The following EPHB1 variants were observed in gnomAD, a reference collection of about 807,000 sequenced individuals.
EPHB1 encodes EPH receptor B1.
In EPHB1, 30 loss-of-function variants were observed where a neutral mutation model predicts 94.4. The observed-to-expected ratio is 0.32, with a 90% CI of 0.24 to 0.43. EPHB1 has a LOEUF of 0.43. EPHB1 is among the 20% of genes least tolerant of loss of function. EPHB1 has a pLI of 1.00. For missense variants in EPHB1, 1,055 were observed against 1,308.3 expected (o/e 0.81, Z 2.99); for synonymous variants, 522 against 489.1 (o/e 1.07, Z -0.89).
chr3:135,072,233 T>G (rs1483813939), intron 3 of EPHB1, among the ~76,000 whole-genome samples: 4 of 151,932 alleles, frequency 2.6e-5, no homozygotes, highest in Admixed American at 6.6e-5. Context: ...ATACAAAAAA[T>G]TAGCTGAGTG....
chr3:135,234,830 C>T (rs956012414), intron 12 of EPHB1, among the ~76,000 whole-genome samples: 5 of 152,154 alleles, frequency 3.3e-5, no homozygotes, highest in Non-Finnish European at 1.5e-5. Context: ...AGAGTAATCA[C>T]CCTCATGATT....
intron 3 of EPHB1, among the ~76,000 whole-genome samples, chr3:135,078,406 A>G (rs1938025897): frequency 6.6e-6 from 1 of 152,216 alleles, no homozygotes; most frequent in South Asian, 2.1e-4. Flanking sequence ...CCAGCCCCAG[A>G]TGCCAAGAAA....
intron 3 of EPHB1, among the ~76,000 whole-genome samples, chr3:134,988,250 T>C (rs1335419340): frequency 6.6e-6 from 1 of 152,128 alleles, no homozygotes; most frequent in Non-Finnish European, 1.5e-5. Context: ...GGGCTGTTAT[T>C]ACAAAAAGGA....
chr3:135,166,066 G>T lies in EPHB1; in HGVS notation c.1684G>T (p.Val562Phe). Residue 562 changes from valine to phenylalanine, a missense_variant, in exon 8 of 16, where the codon GTC becomes TTC. Physicochemically the swap from Val to Phe is conservative, Grantham distance 50 (BLOSUM62 -1). Coordinates refer to ENST00000398015, the MANE Select transcript of EPHB1 (RefSeq NM_004441.5). ...FVVSLVAISI[V>F]CSRKRAYSKE... is the part of the protein sequence containing the mutation. ...TGTGTCCTTGGTGGCCATCTCTATC[G>T]TCTGTAGCAGGTAGGTCCTCCACTC... The T allele has an allele frequency of 6.2e-7, 1 of 1,613,624 alleles. No homozygotes were observed. The highest frequency in any genetic ancestry group is 8.5e-7 in the Non-Finnish European group (1 of 1,179,624).
chr3:135,053,339 A>G (rs922835412), intron 3 of EPHB1, among the ~76,000 whole-genome samples: 1 of 152,032 alleles, frequency 6.6e-6, no homozygotes, highest in African/African-American at 2.4e-5. Context: ...ATTCTTTTTA[A>G]AAAGGAAGGA....
chr3:135,258,157 C>T (rs1044559129), intron 15 of EPHB1, among the ~76,000 whole-genome samples: 1 of 152,204 alleles, frequency 6.6e-6, no homozygotes, highest in Non-Finnish European at 1.5e-5. Flanking sequence ...ATGCAGAAAT[C>T]ACCCGTCTTC....
At chr3:135,045,432 A>G (rs1936972466) in intron 3 of EPHB1, among the ~76,000 whole-genome samples, 1 of 152,244 alleles carries the variant, frequency 6.6e-6, no homozygotes, top group South Asian at 2.1e-4. Context: ...ATACTGTGGT[A>G]TCATAGTTGT....
chr3:135,069,508 GA>G, intron 3 of EPHB1, among the ~76,000 whole-genome samples: 1 of 152,156 alleles, frequency 6.6e-6, no homozygotes, highest in Non-Finnish European at 1.5e-5. Flanking sequence ...CCCCTGATGA[GA>G]AAGGCCATAT....
At chr3:135,152,644 A>T (rs543065893) in intron 5 of EPHB1, among the ~76,000 whole-genome samples, 1 of 152,128 alleles carries the variant, frequency 6.6e-6, no homozygotes, top group Non-Finnish European at 1.5e-5. Context: ...TGTGGGGGTT[A>T]TAAGGTAGTG....
chr3:134,943,015 T>C (rs1392860205), intron 2 of EPHB1, among the ~76,000 whole-genome samples: 1 of 152,210 alleles, frequency 6.6e-6, no homozygotes, highest in Non-Finnish European at 1.5e-5. Context: ...CAGATAAATC[T>C]AAGCCAGGGA....
chr3:135,222,467 G>A (rs1222277511), intron 12 of EPHB1, among the ~76,000 whole-genome samples: 1 of 152,170 alleles, frequency 6.6e-6, no homozygotes, highest in Non-Finnish European at 1.5e-5. Flanking sequence ...GAAGCAAATA[G>A]GGGCACGCTT....
intron 1 of EPHB1, among the ~76,000 whole-genome samples, chr3:134,844,575 C>T (rs2036835404): frequency 6.6e-6 from 1 of 152,168 alleles, no homozygotes; most frequent in Admixed American, 6.5e-5. Context: ...AAGTGAGTTC[C>T]CTTTGACCCA....
intron 15 of EPHB1, among the ~76,000 whole-genome samples, chr3:135,256,335 A>T (rs1394204149): frequency 1.3e-5 from 2 of 152,174 alleles, no homozygotes; most frequent in Non-Finnish European, 2.9e-5. Flanking sequence ...ACATTTTGGC[A>T]TGATTTTGCA....
chr3:134,876,059 G>A (rs1000909252), intron 1 of EPHB1, among the ~76,000 whole-genome samples: 3 of 152,160 alleles, frequency 2.0e-5, no homozygotes, highest in African/African-American at 7.2e-5. Context: ...AGAAGATGAT[G>A]GGGCATAGTC....
chr3:135,161,442 C>T (rs76995593), intron 6 of EPHB1, among the ~76,000 whole-genome samples: 1 of 152,118 alleles, frequency 6.6e-6, no homozygotes, highest in Admixed American at 6.5e-5. Flanking sequence ...GTGTGGAGGG[C>T]AGTCCAGAAT....
intron 12 of EPHB1, among the ~76,000 whole-genome samples, chr3:135,206,292 T>C (rs7636865): frequency 0.032 from 4,873 of 152,330 alleles, 249 homozygotes; most frequent in African/African-American, 0.11. Context: ...AATTCATTTT[T>C]GACTATGTAT....
chr3:135,084,753 T>C (rs978263520), intron 3 of EPHB1, among the ~76,000 whole-genome samples: 14 of 152,170 alleles, frequency 9.2e-5, no homozygotes, highest in African/African-American at 3.1e-4. Context: ...TGAATGAGAA[T>C]GTACACTTGC....
chr3:135,012,542 A>G (rs1389079043), intron 3 of EPHB1, among the ~76,000 whole-genome samples: 1 of 152,276 alleles, frequency 6.6e-6, no homozygotes, highest in Non-Finnish European at 1.5e-5. Flanking sequence ...ATGACAGAGG[A>G]CATAGAGAGC....
intron 12 of EPHB1, among the ~76,000 whole-genome samples, chr3:135,239,195 A>T (rs2107727262): frequency 6.6e-6 from 1 of 152,204 alleles, no homozygotes; most frequent in Non-Finnish European, 1.5e-5. Context: ...AGAAAGTGGG[A>T]TGTGTGCCTG....
Sources: allele counts gnomAD v4.1 joint callset (sites outside exome capture counted in the v4.1 genomes callset), GRCh38; gene constraint gnomAD v4.1.1; transcripts MANE v1.5; gene names NCBI Gene and HGNC (gene_info 2026-07-23, HGNC 2026-07-21).